Variants in TESPA1 observed in about 807,000 individuals in gnomAD.
The protein encoded by TESPA1 is protein TESPA1.
Under a neutral mutation model 57.9 loss-of-function variants are expected in TESPA1, and 33 were observed. The observed-to-expected ratio is 0.57, with a 90% confidence interval of 0.43 to 0.76. TESPA1 has a LOEUF of 0.76. TESPA1 is among the 30% of genes least tolerant of loss of function. The probability of loss-of-function intolerance (pLI) is 0.00; values close to 1 mark genes in which losing one functional copy is unlikely to be tolerated. For missense variants in TESPA1, 618 were observed against 632.9 expected (o/e 0.98, Z 0.25); for synonymous variants, 227 against 228.9 (o/e 0.99, Z 0.07).
intron 1 of TESPA1, among the ~76,000 whole-genome samples, chr12:54,983,696 C>A (rs1188252257): frequency 6.6e-6 from 1 of 152,150 alleles, no homozygotes; most frequent in Non-Finnish European, 1.5e-5. Context: ...GCCCTGGGGA[C>A]CCACCCTTTT....
Position 54,962,563 on chromosome 12 carries a change from C to T in TESPA1, c.1335G>A (p.Lys445=). ...ACTTAACCTTCCTGCCCATGAGATT[C>T]TTCTGGAAGAGGCTCTTTCTTGCTC... ...KSRARKSLFQ[K]NLMGRKVKSL... The change falls in exon 9 of 11, where the codon AAG becomes AAA. Residue 445 remains lysine (K), a synonymous_variant. Coordinates refer to ENST00000449076, the MANE Select transcript of TESPA1 (RefSeq NM_001136030.3). 1 of 1,613,952 alleles carries T rather than the reference C, an allele frequency of 6.2e-7. No homozygotes were observed. The highest frequency in any genetic ancestry group is 8.5e-7 in the Non-Finnish European group (1 of 1,179,894).
intron 2 of TESPA1, among the ~76,000 whole-genome samples, 155 bp downstream of exon 2, chr12:54,974,245 T>G (rs1220916354): frequency 1.3e-5 from 2 of 152,236 alleles, no homozygotes; most frequent in African/African-American, 4.8e-5. Context: ...TTCGTATTAC[T>G]TTAGCTTTTC....
At chr12:54,978,918 A>G (rs1226804273) in intron 1 of TESPA1, among the ~76,000 whole-genome samples, 2 of 152,144 alleles carry the variant, frequency 1.3e-5, no homozygotes, top group Non-Finnish European at 1.5e-5. Flanking sequence ...CCCTAAACCC[A>G]TCATAGAACA....
intron 1 of TESPA1, among the ~76,000 whole-genome samples, chr12:54,976,337 G>A (rs1952134434): frequency 6.6e-6 from 1 of 152,164 alleles, no homozygotes; most frequent in African/African-American, 2.4e-5. Flanking sequence ...AAATATTTAA[G>A]AGATTGGTTC....
intron 9 of TESPA1, among the ~76,000 whole-genome samples, 179 bp from the exon 10 acceptor site, chr12:54,961,446 A>C (rs1405916514): frequency 1.3e-5 from 2 of 152,232 alleles, no homozygotes; most frequent in Non-Finnish European, 2.9e-5. Context: ...CTCTACATTC[A>C]AGGAGAGGTG....
intron 1 of TESPA1, among the ~76,000 whole-genome samples, chr12:54,983,579 C>A (rs1952399578): frequency 6.6e-6 from 1 of 152,132 alleles, no homozygotes; most frequent in Non-Finnish European, 1.5e-5. Context: ...CTACTCAGGA[C>A]CATTTGTGGT....
chr12:54,958,568 T>C (rs1469156167), intron 10 of TESPA1, among the ~76,000 whole-genome samples: 1 of 152,158 alleles, frequency 6.6e-6, no homozygotes, highest in African/African-American at 2.4e-5. Flanking sequence ...GACATTCATT[T>C]GGGGGAATTC....
intron 7 of TESPA1, 95 bp downstream of exon 7, chr12:54,965,958 G>T: frequency 8.5e-7 from 1 of 1,181,638 alleles, no homozygotes; most frequent in Non-Finnish European, 1.2e-6. Context: ...GCTCCAGTAA[G>T]ATATCCCAGA....
intron 2 of TESPA1, among the ~76,000 whole-genome samples, 172 bp downstream of exon 2, chr12:54,974,228 T>C (rs1952021557): frequency 6.6e-6 from 1 of 152,206 alleles, no homozygotes; most frequent in Non-Finnish European, 1.5e-5. Context: ...TCTCACATAA[T>C]TCATATTTCG....
chr12:54,957,973 T>C (rs571178983), intron 10 of TESPA1, among the ~76,000 whole-genome samples: 2 of 152,336 alleles, frequency 1.3e-5, no homozygotes, highest in African/African-American at 4.8e-5. Context: ...TTTTAAACCA[T>C]TGCCTCTCCT....
At chr12:54,967,971 T>C in intron 3 of TESPA1, 79 bp from the exon 4 acceptor site, 1 of 1,600,488 alleles carries the variant, frequency 6.2e-7, no homozygotes, top group South Asian at 1.1e-5. Flanking sequence ...AACTCACACA[T>C]ATTCATATTC....
intron 10 of TESPA1, among the ~76,000 whole-genome samples, chr12:54,955,654 C>T (rs1950685318): frequency 6.6e-6 from 1 of 152,158 alleles, no homozygotes; most frequent in Non-Finnish European, 1.5e-5. Context: ...GGTAAGATTT[C>T]GTTCTGTGTT....
chr12:54,957,157 G>A (rs994702748), intron 10 of TESPA1, among the ~76,000 whole-genome samples: 1 of 152,164 alleles, frequency 6.6e-6, no homozygotes, highest in Non-Finnish European at 1.5e-5. Flanking sequence ...AAGCCCTAGA[G>A]TTTTTGGATG....
At chr12:54,983,386 C>T (rs1952394321) in intron 1 of TESPA1, among the ~76,000 whole-genome samples, 1 of 152,140 alleles carries the variant, frequency 6.6e-6, no homozygotes, top group Admixed American at 6.5e-5. Flanking sequence ...AGACAATAAA[C>T]CTGACTTCCC....
At chr12:54,972,712 GTTAT>G (rs1951912415) in intron 3 of TESPA1, among the ~76,000 whole-genome samples, 1 of 152,126 alleles carries the variant, frequency 6.6e-6, no homozygotes, top group Non-Finnish European at 1.5e-5. Flanking sequence ...ATTATTTGGT[GTTAT>G]TTATTTCCTA....
intron 10 of TESPA1, 70 bp from the exon 11 acceptor site, chr12:54,950,460 A>C (rs1950311770): frequency 5.1e-6 from 2 of 391,050 alleles, no homozygotes; most frequent in South Asian, 1.9e-5. Flanking sequence ...GGTTGGTAGG[A>C]ACTTTCATAC....
chr12:54,958,992 A>C (rs565341607), intron 10 of TESPA1, among the ~76,000 whole-genome samples: 45 of 152,284 alleles, frequency 3.0e-4, no homozygotes, highest in African/African-American at 8.9e-4. Flanking sequence ...CATATCTGAG[A>C]CTGGTTTTAA....
At chr12:54,961,751 G>A (rs535259621) in intron 9 of TESPA1, among the ~76,000 whole-genome samples, 4 of 152,324 alleles carry the variant, frequency 2.6e-5, no homozygotes, top group South Asian at 4.1e-4. Flanking sequence ...AGGAATGTGC[G>A]CTGGTTTTGC....
At chr12:54,950,656 A>T (rs1256744941) in intron 10 of TESPA1, among the ~76,000 whole-genome samples, 1 of 152,132 alleles carries the variant, frequency 6.6e-6, no homozygotes, top group East Asian at 1.9e-4. Flanking sequence ...TTTTGTATGG[A>T]TTGCTGAACA....
Sources: gnomAD v4.1 joint callset for allele counts (sites outside exome capture counted in the v4.1 genomes callset) on GRCh38, gnomAD v4.1.1 for gene constraint, MANE v1.5 for transcripts, NCBI Gene and HGNC (gene_info 2026-07-23, HGNC 2026-07-21) for gene names.